TCP11L1: variants seen among roughly 807,000 people sequenced by gnomAD.
TCP11L1 encodes the protein t-complex 11 like 1.
In TCP11L1, 28 loss-of-function variants were observed where a neutral mutation model predicts 48.9. The ratio of observed to expected loss-of-function variants is 0.57; its 90% confidence interval spans 0.42 to 0.78. The LOEUF (loss-of-function observed/expected upper bound fraction) is 0.78. Among genes scored for constraint, TCP11L1 ranks in the 30% least tolerant of loss-of-function variants. TCP11L1 has a pLI of 0.00. For missense variants in TCP11L1, 505 were observed against 613.4 expected, an observed-to-expected ratio of 0.82 and a Z score of 1.87; for synonymous variants, 204 against 231.9, an observed-to-expected ratio of 0.88 and a Z score of 1.09.
chr11:33,070,846 A>G (rs1408850402), intron 9 of TCP11L1, among the ~76,000 whole-genome samples: 1 of 151,616 alleles, frequency 6.6e-6, no homozygotes, highest in Non-Finnish European at 1.5e-5. Flanking sequence ...TACAAAAAAT[A>G]CAAAAATTTC....
chr11:33,055,033 G>T (rs1405908690), intron 3 of TCP11L1, among the ~76,000 whole-genome samples: 2 of 152,364 alleles, frequency 1.3e-5, no homozygotes, highest in East Asian at 1.9e-4. Context: ...GGCGAAGACT[G>T]TGGGTTATTC....
At chr11:33,069,484 T>C (rs756822216) in intron 9 of TCP11L1, among the ~76,000 whole-genome samples, 41 of 152,220 alleles carry the variant, frequency 2.7e-4, no homozygotes, top group South Asian at 2.1e-4. Flanking sequence ...TATTAGCTAT[T>C]AGTTATCACA....
At chr11:33,042,209 C>T (rs1389607898) in intron 1 of TCP11L1, among the ~76,000 whole-genome samples, 2 of 152,162 alleles carry the variant, frequency 1.3e-5, no homozygotes, top group African/African-American at 4.8e-5. Flanking sequence ...CGGCTCACTG[C>T]AAGCTCTGCC....
At chr11:33,039,876 C>G (rs1853776123) in intron 1 of TCP11L1, 84 bp downstream of exon 1, 1 of 152,406 alleles carries the variant, frequency 6.6e-6, no homozygotes, top group Middle Eastern at 3.1e-3. Flanking sequence ...TTCGCCTCTT[C>G]CCGTCGGATC....
intron 7 of TCP11L1, among the ~76,000 whole-genome samples, chr11:33,063,838 C>T (rs73489442): frequency 0.01 from 1,552 of 152,276 alleles, 19 homozygotes; most frequent in African/African-American, 0.035. Flanking sequence ...CTGAGTTCCC[C>T]GTTTTGTGCT....
At chr11:33,065,127 T>C (rs1198578924) in intron 7 of TCP11L1, among the ~76,000 whole-genome samples, 3 of 152,264 alleles carry the variant, frequency 2.0e-5, no homozygotes, top group East Asian at 1.9e-4. Flanking sequence ...ACAATAAGTA[T>C]AACTTTTATT....
At chr11:33,060,799 A>G (rs1854446051) in intron 6 of TCP11L1, among the ~76,000 whole-genome samples, 1 of 151,914 alleles carries the variant, frequency 6.6e-6, no homozygotes. Flanking sequence ...ACACAGGGAA[A>G]CTCTAGCTGG....
intron 2 of TCP11L1, among the ~76,000 whole-genome samples, chr11:33,053,941 G>T (rs967329791): frequency 1.3e-5 from 2 of 151,910 alleles, no homozygotes; most frequent in African/African-American, 4.8e-5. Context: ...TCAACCTCCT[G>T]AGTAGCTGGG....
intron 9 of TCP11L1, 22 bp from the exon 10 acceptor site, chr11:33,072,452 A>G: frequency 1.2e-6 from 2 of 1,613,380 alleles, no homozygotes; most frequent in Non-Finnish European, 1.7e-6. Flanking sequence ...GAAACAACTG[A>G]CCACTTTCTT....
At chr11:33,072,357 A>AG (rs1854816974) in intron 9 of TCP11L1, 117 bp from the exon 10 acceptor site, 1 of 989,898 alleles carries the variant, frequency 1.0e-6, no homozygotes, top group Non-Finnish European at 1.6e-6. Flanking sequence ...CTGGTCTGGG[A>AG]GTATTGATCG....
intron 3 of TCP11L1, 30 bp from the exon 4 acceptor site, chr11:33,057,084 GC>G (rs746918969): frequency 3.1e-6 from 5 of 1,611,780 alleles, no homozygotes; most frequent in Middle Eastern, 1.7e-4. Context: ...TTTGGTTTTT[GC>G]CCCCCTCCTT....
intron 7 of TCP11L1, 110 bp from the exon 8 acceptor site, chr11:33,065,720 G>A (rs1359283047): frequency 7.2e-6 from 9 of 1,248,154 alleles, no homozygotes; most frequent in East Asian, 4.7e-5. Context: ...ACACACTAGC[G>A]CAAACCCTGA....
At chr11:33,059,701 G>A (rs776052448) in intron 6 of TCP11L1, among the ~76,000 whole-genome samples, 27 of 152,298 alleles carry the variant, frequency 1.8e-4, no homozygotes, top group Non-Finnish European at 3.2e-4. Flanking sequence ...ATTCCATTTG[G>A]CCTCTAACTT....
chr11:33,061,761 G>C (rs761381514), intron 7 of TCP11L1, 35 bp downstream of exon 7: 3 of 1,535,386 alleles, frequency 2.0e-6, no homozygotes, highest in Non-Finnish European at 2.6e-6. Flanking sequence ...ACTCATATTT[G>C]TTTTTGTGCT....
chr11:33,054,601 C>G lies in TCP11L1; in HGVS notation c.172C>G (p.Pro58Ala). ...QRVQRPHSSP[P>A]RFVTVEELLE... is the part of the protein sequence containing the mutation. ...GTGAGTTTCTGTTACAGCTAGTCCT[C>G]CTCGCTTTGTGACAGTAGAAGAACT... Residue 58 changes from proline (P) to alanine (A), a missense_variant, in exon 3 of 10, where the codon CCT (proline) becomes GCT (alanine). Coordinates refer to ENST00000334274, the MANE Select transcript of TCP11L1 (RefSeq NM_018393.4). The G allele has an allele frequency of 6.2e-7, 1 of 1,612,356 alleles. No individual in the cohort carries two copies. The highest frequency in any genetic ancestry group is 8.5e-7 in the Non-Finnish European group (1 of 1,179,494).
chr11:33,054,770 T>C (rs368116121), intron 3 of TCP11L1, 45 bp downstream of exon 3: 2 of 1,561,666 alleles, frequency 1.3e-6, no homozygotes, highest in Non-Finnish European at 1.7e-6. Context: ...ACACTGTCAT[T>C]TCCCAGTTTT....
chr11:33,054,863 A>G (rs2273545), intron 3 of TCP11L1, 138 bp downstream of exon 3: 58,594 of 1,109,288 alleles, frequency 0.053, 1,875 homozygotes, highest in Middle Eastern at 0.11. Context: ...ATTCCTGAAC[A>G]AGGAACAACC....
At chr11:33,061,868 G>A (rs1371360277) in intron 7 of TCP11L1, 142 bp downstream of exon 7, 4 of 831,852 alleles carry the variant, frequency 4.8e-6, no homozygotes, top group Non-Finnish European at 3.4e-6. Context: ...ATTGCTTGAG[G>A]TCAGGAGTTC....
chr11:33,053,200 A>G (rs1180791245), intron 2 of TCP11L1, among the ~76,000 whole-genome samples: 1 of 147,962 alleles, frequency 6.8e-6, no homozygotes, highest in Non-Finnish European at 1.5e-5. Context: ...GCTGGAGTGC[A>G]ATGGTGTGAT....
Sources: gnomAD v4.1 joint callset for allele counts (sites outside exome capture counted in the v4.1 genomes callset) on GRCh38, gnomAD v4.1.1 for gene constraint, MANE v1.5 for transcripts, NCBI Gene and HGNC (gene_info 2026-07-23, HGNC 2026-07-21) for gene names.